The following SLC9C1 variants were observed in gnomAD, a reference collection of about 807,000 sequenced individuals.
SLC9C1 encodes sodium/hydrogen exchanger 10.
In SLC9C1, 97 loss-of-function variants were observed where a neutral mutation model predicts 140.9. The observed-to-expected ratio is 0.69, with a 90% confidence interval of 0.58 to 0.82. The LOEUF is 0.82. SLC9C1 is among the 40% of genes least tolerant of loss of function. SLC9C1 has a pLI of 0.00. For missense variants in SLC9C1, 1,340 were observed against 1,389.3 expected, an observed-to-expected ratio of 0.96 and a Z score of 0.56; for synonymous variants, 440 against 442.6, an observed-to-expected ratio of 0.99 and a Z score of 0.07.
intron 10 of SLC9C1, among the ~76,000 whole-genome samples, chr3:112,246,339 A>C (rs753328167): frequency 6.6e-6 from 1 of 152,178 alleles, no homozygotes; most frequent in Non-Finnish European, 1.5e-5. Flanking sequence ...AAACCTTTAA[A>C]GTTTCCTTCA....
At chr3:112,209,514 G>GAA (rs11392163) in intron 15 of SLC9C1, among the ~76,000 whole-genome samples, 4 of 151,528 alleles carry the variant, frequency 2.6e-5, no homozygotes, top group South Asian at 4.2e-4. Context: ...TTGAATCTAA[G>GAA]AAAAAAAAGA....
chr3:112,182,872 G>T (rs1488674281), intron 20 of SLC9C1, among the ~76,000 whole-genome samples: 1 of 152,166 alleles, frequency 6.6e-6, no homozygotes, highest in Non-Finnish European at 1.5e-5. Context: ...GAATGTACTT[G>T]TGTCTGATTT....
At chr3:112,170,654 C>A (rs1033831771) in intron 23 of SLC9C1, among the ~76,000 whole-genome samples, 32 of 152,192 alleles carry the variant, frequency 2.1e-4, no homozygotes, top group African/African-American at 7.2e-4. Flanking sequence ...GGGGAGCAAA[C>A]TTTTTAGGCA....
intron 11 of SLC9C1, among the ~76,000 whole-genome samples, chr3:112,243,644 G>A (rs1308785897): frequency 6.7e-6 from 1 of 149,904 alleles, no homozygotes. Context: ...AATAAAATTT[G>A]AAAAAAATTA....
At chr3:112,172,400 A>G (rs1479823292) in intron 23 of SLC9C1, among the ~76,000 whole-genome samples, 1 of 152,072 alleles carries the variant, frequency 6.6e-6, no homozygotes, top group Non-Finnish European at 1.5e-5. Context: ...AATTTTTGGA[A>G]TTTGGACTTG....
At chr3:112,216,768 G>T (rs916243463) in intron 15 of SLC9C1, among the ~76,000 whole-genome samples, 2 of 152,156 alleles carry the variant, frequency 1.3e-5, no homozygotes, top group Non-Finnish European at 2.9e-5. Flanking sequence ...GGCTGTAACC[G>T]AGTTCAACCA....
intron 7 of SLC9C1, 59 bp downstream of exon 7, chr3:112,269,857 A>T: frequency 7.2e-7 from 1 of 1,392,486 alleles, no homozygotes; most frequent in Non-Finnish European, 9.4e-7. Context: ...CATTTTTCAT[A>T]TATTTTTATT....
chr3:112,154,925 T>G, intron 27 of SLC9C1, 72 bp downstream of exon 27: 1 of 1,394,886 alleles, frequency 7.2e-7, no homozygotes, highest in African/African-American at 1.4e-5. Flanking sequence ...AGAAACACAT[T>G]GGTAGTTTCC....
In SLC9C1 at chr3:112,264,307, C is replaced by G; in HGVS notation, c.915G>C (p.Met305Ile). Reference protein sequence around the residue: ...WTFLSRIAFLMVFTFFGLLIP... With the variant: ...WTFLSRIAFLIVFTFFGLLIP... Reference sequence around the variant, plus strand: ...TTAGAAGTCCAAAGAAAGTAAACACCATGAGAAAAGCAATACGTGATAGAA... The same window carrying G: ...TTAGAAGTCCAAAGAAAGTAAACACGATGAGAAAAGCAATACGTGATAGAA... Residue 305 changes from methionine to isoleucine, a missense_variant, in exon 9 of 29, where the codon ATG becomes ATC. Coordinates refer to ENST00000305815, the MANE Select transcript of SLC9C1 (RefSeq NM_183061.3). 1 of 1,481,472 alleles carries G rather than the reference C, an allele frequency of 6.8e-7. No homozygotes were observed. The highest frequency in any genetic ancestry group is 9.0e-7 in the Non-Finnish European group (1 of 1,117,058). 91.8% of individuals were successfully genotyped at this position (1,481,472 alleles called of 1,614,324 possible). A position where few individuals can be genotyped will look rare whatever the true frequency, so the allele number is the denominator to read the frequency against.
At chr3:112,291,537 A>G (rs2080682569) in intron 1 of SLC9C1, among the ~76,000 whole-genome samples, 1 of 152,248 alleles carries the variant, frequency 6.6e-6, no homozygotes, top group African/African-American at 2.4e-5. Flanking sequence ...ACTGATCATT[A>G]GAGAAATGCA....
At chr3:112,276,080 G>C (rs1188378225) in intron 5 of SLC9C1, among the ~76,000 whole-genome samples, 1 of 152,080 alleles carries the variant, frequency 6.6e-6, no homozygotes, top group East Asian at 1.9e-4. Flanking sequence ...AGTGAACCTA[G>C]CAAGATCAGT....
rs79011257 is a variant in SLC9C1, at chr3:112,194,894, C to T, written c.2523+4427G>A. Among the ~76,000 whole-genome samples, 1,201 of 150,860 alleles carry T rather than the reference C, an allele frequency of 8.0e-3. 18 individuals carry two copies. Among genetic ancestry groups the T allele is most frequent in the African/African-American group, 0.026 (1,081 of 41,256 alleles). ...GCATTTCCATAATGATGAATGATGT[C>T]AAACTCATTATATTTTCATGTTGTT... is the stretch of plus-strand genomic sequence containing the variant. On this transcript the variant is annotated intron_variant, in intron 20 of 28. Transcript: ENST00000305815.
intron 24 of SLC9C1, 46 bp downstream of exon 24, chr3:112,169,151 A>G: frequency 6.3e-7 from 1 of 1,598,122 alleles, no homozygotes; most frequent in Non-Finnish European, 8.5e-7. Flanking sequence ...TTTTAATGCC[A>G]TTCCATTCAA....
chr3:112,167,436 T>C (rs1485675805), intron 25 of SLC9C1, 89 bp from the exon 26 acceptor site: 1 of 1,333,356 alleles, frequency 7.5e-7, no homozygotes, highest in Non-Finnish European at 1.0e-6. Flanking sequence ...TGGCTTTCTC[T>C]AGGTATCTGG....
intron 23 of SLC9C1, among the ~76,000 whole-genome samples, chr3:112,170,421 CT>C (rs2077224423): frequency 6.6e-6 from 1 of 152,032 alleles, no homozygotes; most frequent in Admixed American, 6.6e-5. Flanking sequence ...ATTTGTATGT[CT>C]TCTTTTGAGA....
In SLC9C1 at chr3:112,263,099, C is replaced by A; in HGVS notation, c.1023-1G>T. 1 of 1,562,118 alleles carries A rather than the reference C, an allele frequency of 6.4e-7. No homozygotes were observed. The highest frequency in any genetic ancestry group is 1.2e-5 in the South Asian group (1 of 81,426). Reference sequence around the variant, plus strand: ...GCTTATTAAAAGAAGGGTCAGAAATCTAAAAGACAAAACAATTTTTACAAA... The same window carrying A: ...GCTTATTAAAAGAAGGGTCAGAAATATAAAAGACAAAACAATTTTTACAAA... On this transcript the variant is annotated splice_acceptor_variant, in intron 9 of 28. Coordinates refer to ENST00000305815, the MANE Select transcript of SLC9C1 (RefSeq NM_183061.3). LOFTEE classifies it high-confidence loss of function.
chr3:112,290,538 T>G (rs574261734), intron 1 of SLC9C1, among the ~76,000 whole-genome samples: 1 of 152,292 alleles, frequency 6.6e-6, no homozygotes, highest in South Asian at 2.1e-4. Flanking sequence ...CTTTTGTTTT[T>G]GGGTGAAGAG....
intron 26 of SLC9C1, among the ~76,000 whole-genome samples, chr3:112,159,184 G>T (rs1177345006): frequency 6.6e-6 from 1 of 151,192 alleles, no homozygotes; most frequent in African/African-American, 2.4e-5. Flanking sequence ...ATAGGCTCTG[G>T]AATTTTGTGT....
intron 12 of SLC9C1, among the ~76,000 whole-genome samples, chr3:112,238,749 G>C (rs948542307): frequency 6.6e-6 from 1 of 152,188 alleles, no homozygotes; most frequent in Non-Finnish European, 1.5e-5. Context: ...CTGGGTATCA[G>C]CAGCAGAGGC....
Sources: gnomAD v4.1 joint callset for allele counts (sites outside exome capture counted in the v4.1 genomes callset) on GRCh38, gnomAD v4.1.1 for gene constraint, MANE v1.5 for transcripts, NCBI Gene and HGNC (gene_info 2026-07-23, HGNC 2026-07-21) for gene names.